The following RIPOR2 variants were observed in gnomAD, a reference collection of about 807,000 sequenced individuals.
RIPOR2 encodes the protein RHO family interacting cell polarization regulator 2.
RIPOR2 carries 39 observed loss-of-function variants against 114.5 expected under a neutral mutation model. That is an observed-to-expected ratio of 0.34 (90% CI 0.26 to 0.44). The LOEUF (loss-of-function observed/expected upper bound fraction) is 0.44, where lower values mean the gene tolerates loss of function less well. Among genes scored for constraint, RIPOR2 ranks in the 20% least tolerant of loss-of-function variants. The pLI is 1.00. For missense variants in RIPOR2, 1,007 were observed against 1,255.1 expected, an observed-to-expected ratio of 0.80 and a Z score of 2.99; for synonymous variants, 445 against 484.4, an observed-to-expected ratio of 0.92 and a Z score of 1.07.
Position 24,977,178 on chromosome 6 carries a change from T to G in RIPOR2, c.76+64673A>C, listed in dbSNP as rs181411576. 7.8e-3 allele frequency among the ~76,000 whole-genome samples: 1,185 copies of G among 151,520 alleles called. 8 individuals carry two copies. The highest frequency in any genetic ancestry group is 9.5e-3 in the Non-Finnish European group (643 of 67,906). On this transcript the variant is annotated intron_variant, in intron 1 of 13. Coordinates refer to the RIPOR2 transcript ENST00000510784. ...AAGTTTATGATTATGAAATAAAAAC[T>G]AAATAACAACAACAACAAAAAGAAA...
intron 1 of RIPOR2, among the ~76,000 whole-genome samples, chr6:24,890,428 C>T (rs1170593197): frequency 1.3e-5 from 2 of 152,048 alleles, no homozygotes; most frequent in Non-Finnish European, 2.9e-5. Context: ...TGTTCTCACT[C>T]AGGAGTGGAA....
At chr6:24,984,500 G>C (rs1257912829) in intron 1 of RIPOR2, among the ~76,000 whole-genome samples, 3 of 152,040 alleles carry the variant, frequency 2.0e-5, no homozygotes, top group African/African-American at 7.2e-5. Context: ...AATAATTACT[G>C]TCTTAAAGAG....
chr6:24,951,061 T>C (rs1772725285), intron 1 of RIPOR2, among the ~76,000 whole-genome samples: 1 of 152,186 alleles, frequency 6.6e-6, no homozygotes, highest in Admixed American at 6.5e-5. Context: ...AATGACTTCA[T>C]TGATTTCCAG....
chr6:24,873,622 A>ATTTT, intron 3 of RIPOR2, 22 bp downstream of exon 3: 1 of 1,606,686 alleles, frequency 6.2e-7, no homozygotes, highest in South Asian at 1.1e-5. Context: ...CTTAAAGTAC[A>ATTTT]TTATCAGGTT....
intron 1 of RIPOR2, among the ~76,000 whole-genome samples, chr6:25,006,581 T>C (rs570171916): frequency 2.3e-4 from 35 of 152,330 alleles, no homozygotes; most frequent in Admixed American, 2.2e-3. Context: ...CTCTCTGTTC[T>C]TTTTTTGAAG....
chr6:24,859,943 G>A lies in RIPOR2; in HGVS notation c.715+1030C>T, dbSNP rs530328970. ...CCAGCCCTCTTCACTGCAGTCAGAT[G>A]GGCCAAAACTTGGAAGAGAAATTGA... On this transcript the variant is annotated intron_variant, in intron 8 of 21. Transcript: ENST00000643898. Among the ~76,000 whole-genome samples the A allele has an allele frequency of 1.6e-4, 25 of 152,310 alleles. 1 individual carries two copies. In the South Asian group the frequency reaches 4.8e-3, roughly 29 times the overall value.
chr6:24,811,308 A>C (rs1254435283), intron 20 of RIPOR2, among the ~76,000 whole-genome samples: 3 of 127,060 alleles, frequency 2.4e-5, no homozygotes, highest in Middle Eastern at 6.5e-3. Context: ...ATCTTGGCTC[A>C]CTGAAACCTC....
At chr6:25,005,531 G>GTCTCA (rs1213698757) in intron 1 of RIPOR2, among the ~76,000 whole-genome samples, 1 of 151,232 alleles carries the variant, frequency 6.6e-6, no homozygotes, top group African/African-American at 2.4e-5. Flanking sequence ...AGAAATCTAT[G>GTCTCA]TCTCATCTTA....
rs182811023 is a variant in RIPOR2 at position 24,984,823 on chromosome 6, A to G, written c.76+57028T>C. ...CAGGACATGTTGTAGTGATAGAGGAAAAGAGGGCCTTATGGTCCTCCCCTT... is the reference window on the plus strand; with the variant it reads ...CAGGACATGTTGTAGTGATAGAGGAGAAGAGGGCCTTATGGTCCTCCCCTT... On this transcript the variant is annotated intron_variant, in intron 1 of 13. Coordinates refer to the RIPOR2 transcript ENST00000510784. Among the ~76,000 whole-genome samples, 9 of 152,328 alleles carry G rather than the reference A, an allele frequency of 5.9e-5. No individual in the cohort carries two copies. In the East Asian group the frequency reaches 1.5e-3, roughly 26 times the overall value.
At chr6:24,970,507 G>A (rs6938068) in intron 1 of RIPOR2, among the ~76,000 whole-genome samples, 7,162 of 152,228 alleles carry the variant, frequency 0.047, 529 homozygotes, top group African/African-American at 0.16. Flanking sequence ...CTGACTCCAG[G>A]CCTACTGAAC....
chr6:24,850,851 C>A, intron 9 of RIPOR2, 129 bp from the exon 10 acceptor site: 1 of 1,071,136 alleles, frequency 9.3e-7, no homozygotes, highest in Non-Finnish European at 1.4e-6. Flanking sequence ...TCCCTCCACC[C>A]CCTTACTCTT....
rs985756286 is a variant in RIPOR2 at position 24,847,396 on chromosome 6, C to T, written c.1164+629G>A. On this transcript the variant is annotated intron_variant, in intron 12 of 21. Transcript: ENST00000643898. ...TGCGTCTCTATCAAAGTTACATGCA[C>T]GACCAAGTGTCCCGCCCCAAGGACA... The T allele has an allele frequency of 1.2e-5, 8 of 673,004 alleles. 1 individual carries two copies. Among genetic ancestry groups the T allele is most frequent in the East Asian group, 2.8e-5 (1 of 35,198 alleles). 41.7% of individuals were successfully genotyped at this position (673,004 alleles called of 1,614,324 possible).
rs539683566 is a variant in RIPOR2, at chr6:24,821,817, G to A, written c.2869-3192C>T. On this transcript the variant is annotated intron_variant, in intron 19 of 21. Coordinates refer to ENST00000643898, the MANE Select transcript of RIPOR2 (RefSeq NM_001286445.3). ...CCCTCCAAAGCTACCATTTCCAGAG[G>A]TGGATATACACCAAGGTCATCTTTA... Among the ~76,000 whole-genome samples, 7 of 152,350 alleles carry A rather than the reference G, an allele frequency of 4.6e-5. No individual in the cohort carries two copies. The South Asian group carries it at 1.2e-3, about 27-fold the overall frequency.
At chr6:24,938,633 T>C (rs1771949068), upstream of RIPOR2, among the ~76,000 whole-genome samples, 1 of 152,114 alleles carries the variant, frequency 6.6e-6, no homozygotes, top group Non-Finnish European at 1.5e-5. Context: ...GAAGGCTCAA[T>C]GGGGATAGAG....
intron 16 of RIPOR2, among the ~76,000 whole-genome samples, chr6:24,831,092 T>C (rs1406180340): frequency 6.6e-6 from 1 of 152,058 alleles, no homozygotes; most frequent in Non-Finnish European, 1.5e-5. Context: ...GGACTTTTTT[T>C]CTCCCCATAA....
At chr6:24,891,834 A>C (rs986055176) in intron 1 of RIPOR2, among the ~76,000 whole-genome samples, 4 of 152,078 alleles carry the variant, frequency 2.6e-5, no homozygotes, top group Non-Finnish European at 5.9e-5. Flanking sequence ...ATTTACCTAG[A>C]GTGGAGTTAC....
intron 17 of RIPOR2, among the ~76,000 whole-genome samples, chr6:24,830,123 G>A (rs1352159657): frequency 1.3e-5 from 2 of 152,014 alleles, no homozygotes; most frequent in Admixed American, 6.5e-5. Flanking sequence ...GGGCTACCAC[G>A]CCCGGCTAAT....
intron 17 of RIPOR2, among the ~76,000 whole-genome samples, chr6:24,829,144 T>C (rs1318569095): frequency 6.6e-6 from 1 of 151,460 alleles, no homozygotes; most frequent in Non-Finnish European, 1.5e-5. Flanking sequence ...GGAACCCTGT[T>C]TCTACTAAAA....
chr6:24,846,940 C>T (rs1375111564), intron 12 of RIPOR2, among the ~76,000 whole-genome samples: 5 of 152,058 alleles, frequency 3.3e-5, no homozygotes, highest in African/African-American at 1.2e-4. Flanking sequence ...CTTTTGAGTT[C>T]CTTGAATGCC....
Sources: allele counts gnomAD v4.1 joint callset (sites outside exome capture counted in the v4.1 genomes callset), GRCh38; gene constraint gnomAD v4.1.1; transcripts MANE v1.5; gene names NCBI Gene and HGNC (gene_info 2026-07-23, HGNC 2026-07-21).